Variants in BAZ1A observed in about 807,000 individuals in gnomAD.
BAZ1A encodes the protein bromodomain adjacent to zinc finger domain protein 1A.
Under a neutral mutation model 185.2 loss-of-function variants are expected in BAZ1A, and 50 were observed. That is an observed-to-expected ratio of 0.27 (90% CI 0.22 to 0.34). BAZ1A has a LOEUF of 0.34. Ranked by LOEUF, BAZ1A falls within the 10% of genes least tolerant of loss-of-function variation. The pLI, the probability that BAZ1A is intolerant of heterozygous loss-of-function variation, is 1.00. For missense variants in BAZ1A, 1,356 were observed against 1,839.9 expected, an observed-to-expected ratio of 0.74 and a Z score of 4.81; for synonymous variants, 571 against 615.6, an observed-to-expected ratio of 0.93 and a Z score of 1.07.
intron 20 of BAZ1A, among the ~76,000 whole-genome samples, chr14:34,772,277 A>C (rs988605149): frequency 6.6e-6 from 1 of 152,012 alleles, no homozygotes; most frequent in African/African-American, 2.4e-5. Context: ...TTAAAGTGCA[A>C]ACTCATTCAC....
chr14:34,843,969 G>A (rs1167418279), intron 3 of BAZ1A, among the ~76,000 whole-genome samples: 1 of 151,974 alleles, frequency 6.6e-6, no homozygotes, highest in East Asian at 1.9e-4. Flanking sequence ...ACTTTGGGAG[G>A]CCGAGGCGGG....
intron 9 of BAZ1A, among the ~76,000 whole-genome samples, chr14:34,796,034 T>TCA (rs1194160456): frequency 6.6e-6 from 1 of 152,162 alleles, no homozygotes; most frequent in East Asian, 1.9e-4. Context: ...GTGCAGTGGC[T>TCA]CACACATGTA....
In BAZ1A at chr14:34,854,075, A is replaced by G. The variant is rs117479655; in HGVS notation, c.392+7969T>C. On this transcript the variant is annotated intron_variant, in intron 3 of 26. Coordinates refer to ENST00000360310, the MANE Select transcript of BAZ1A (RefSeq NM_013448.3). Reference sequence around the variant, plus strand: ...TATATCTTAAAGTTATTTTAACTGAAATTTAAGTGAAAGGGATAGAGAGAG... The same window carrying G: ...TATATCTTAAAGTTATTTTAACTGAGATTTAAGTGAAAGGGATAGAGAGAG... 9.8e-3 allele frequency among the ~76,000 whole-genome samples: 1,407 copies of G among 143,034 alleles called. 11 individuals carry two copies. The highest frequency in any genetic ancestry group is 0.016 in the Non-Finnish European group (1,049 of 64,592). 93.8% of individuals were successfully genotyped at this position (143,034 alleles called of 152,430 possible). A position where few individuals can be genotyped will look rare whatever the true frequency, so the allele number is the denominator to read the frequency against.
intron 4 of BAZ1A, among the ~76,000 whole-genome samples, chr14:34,820,084 C>T (rs1046212725): frequency 7.1e-6 from 1 of 140,714 alleles, no homozygotes. Context: ...GGTGAGGTAT[C>T]TGTTCAGATC....
Position 34,872,865 on chromosome 14 carries a change from GT to G in BAZ1A, c.113+1626del, listed in dbSNP as rs34310554. 6.8e-5 allele frequency among the ~76,000 whole-genome samples: 9 copies of G among 131,990 alleles called. No homozygotes were observed. The South Asian group carries it at 1.4e-3, about 21-fold the overall frequency. The allele number at this position is 131,990 out of a possible 152,430, so 86.6% of individuals were successfully genotyped here. On this transcript the variant is annotated intron_variant, in intron 2 of 26. Coordinates refer to ENST00000360310, the MANE Select transcript of BAZ1A (RefSeq NM_013448.3). ...ATTTACTATTTTGTTGATACTCTTA[GT>G]TTTTTTTTTATCGTAATTGTTAGCA...
intron 3 of BAZ1A, among the ~76,000 whole-genome samples, chr14:34,830,216 G>A (rs904601601): frequency 6.6e-6 from 1 of 151,564 alleles, no homozygotes. Context: ...CTACTCATAA[G>A]AGCCAAAAAT....
chr14:34,795,875 C>T (rs928009258), intron 9 of BAZ1A, 110 bp from the exon 10 acceptor site: 1 of 730,472 alleles, frequency 1.4e-6, no homozygotes, highest in Non-Finnish European at 2.2e-6. Flanking sequence ...TACCCCATAC[C>T]TACTGAAGCA....
rs1225939081 is a variant in BAZ1A, at chr14:34,784,367, C to CCAAAAAAAAAAAAAAAAAA, written c.1832-441_1832-440insTTTTTTTTTTTTTTTTTTG. Among the ~76,000 whole-genome samples the CCAAAAAAAAAAAAAAAAAA allele has an allele frequency of 7.3e-4, 56 of 77,176 alleles. 8 individuals are homozygous for CCAAAAAAAAAAAAAAAAAA. The highest frequency in any genetic ancestry group is 1.0e-3 in the African/African-American group (17 of 16,420). The allele number at this position is 77,176 out of a possible 152,430, so 50.6% of individuals were successfully genotyped here. On this transcript the variant is annotated intron_variant, in intron 14 of 26. Transcript: ENST00000360310. ...TGGGCAACTGAGTGAGACTCTGTCTCAAAAAAAAAAAAAAAAAAAAAAAAA... is the reference window on the plus strand; with the variant it reads ...TGGGCAACTGAGTGAGACTCTGTCTCCAAAAAAAAAAAAAAAAAAAAAAAAAAAAAAAAAAAAAAAAAAA...
intron 21 of BAZ1A, 54 bp downstream of exon 21, chr14:34,771,457 A>G (rs1424433180): frequency 9.2e-6 from 14 of 1,520,152 alleles, no homozygotes; most frequent in African/African-American, 1.4e-5. Flanking sequence ...TTAAAGGCCA[A>G]CTCAAAATTA....
chr14:34,833,481 T>A (rs985927948), intron 3 of BAZ1A, among the ~76,000 whole-genome samples: 12 of 151,972 alleles, frequency 7.9e-5, no homozygotes, highest in Admixed American at 7.9e-4. Context: ...TGAGCAGAGA[T>A]CACACCACTG....
At chr14:34,866,526 A>G (rs1460935922) in intron 2 of BAZ1A, among the ~76,000 whole-genome samples, 2 of 143,724 alleles carry the variant, frequency 1.4e-5, no homozygotes, top group South Asian at 2.3e-4. Context: ...ACTTTTTCCT[A>G]TAGAAACAAA....
intron 3 of BAZ1A, among the ~76,000 whole-genome samples, chr14:34,835,272 G>A (rs1236197195): frequency 6.6e-6 from 1 of 151,914 alleles, no homozygotes; most frequent in African/African-American, 2.4e-5. Context: ...ATGTTGGCCA[G>A]GCTGGCCTCA....
In BAZ1A at chr14:34,875,290, T is replaced by C. The variant is rs1270280300; in HGVS notation, c.-211A>G. 1 of 455,744 alleles carries C rather than the reference T, an allele frequency of 2.2e-6. No individual in the cohort carries two copies. Among genetic ancestry groups the C allele is most frequent in the South Asian group, 1.5e-5 (1 of 64,554 alleles). The allele number at this position is 455,744 out of a possible 1,614,324, so 28.2% of individuals were successfully genotyped here. Reference sequence around the variant, plus strand: ...CCACTGCCCGACTCCGCGCGGGGAATTGCGTCCCACCGCCACTTCCCCGCC... The same window carrying C: ...CCACTGCCCGACTCCGCGCGGGGAACTGCGTCCCACCGCCACTTCCCCGCC... On this transcript the variant is annotated 5_prime_UTR_variant, in exon 1 of 27. Transcript: ENST00000360310.
At chr14:34,873,108 C>T (rs547558243) in intron 2 of BAZ1A, among the ~76,000 whole-genome samples, 125 of 152,076 alleles carry the variant, frequency 8.2e-4, no homozygotes, top group African/African-American at 2.7e-3. Context: ...AACGTGTAAC[C>T]CTTTCTGTGG....
chr14:34,858,420 TG>T (rs1390546272), intron 3 of BAZ1A, among the ~76,000 whole-genome samples: 3 of 152,168 alleles, frequency 2.0e-5, no homozygotes, highest in African/African-American at 7.2e-5. Flanking sequence ...AATTGACTAT[TG>T]ACTACTCCCT....
chr14:34,779,132 G>C (rs1049617854), intron 17 of BAZ1A, among the ~76,000 whole-genome samples: 2 of 152,176 alleles, frequency 1.3e-5, no homozygotes, highest in African/African-American at 4.8e-5. Context: ...TTACAGGCAT[G>C]AGCCACTGCA....
intron 6 of BAZ1A, among the ~76,000 whole-genome samples, chr14:34,806,535 A>C (rs1210953182): frequency 6.6e-6 from 1 of 152,064 alleles, no homozygotes; most frequent in African/African-American, 2.4e-5. Flanking sequence ...ATGAGGCTCC[A>C]TTCTATTGCT....
intron 4 of BAZ1A, among the ~76,000 whole-genome samples, chr14:34,820,458 G>A (rs2042073045): frequency 6.6e-6 from 1 of 152,092 alleles, no homozygotes; most frequent in Admixed American, 6.5e-5. Flanking sequence ...TGAGATTTAA[G>A]AGTTATTTGT....
chr14:34,849,266 C>T (rs1449835498), intron 3 of BAZ1A, among the ~76,000 whole-genome samples: 2 of 152,120 alleles, frequency 1.3e-5, no homozygotes, highest in African/African-American at 4.8e-5. Flanking sequence ...GACTAGGTGA[C>T]AGAGTGAGAC....
Sources: allele counts gnomAD v4.1 joint callset (sites outside exome capture counted in the v4.1 genomes callset), GRCh38; gene constraint gnomAD v4.1.1; transcripts MANE v1.5; gene names NCBI Gene and HGNC (gene_info 2026-07-23, HGNC 2026-07-21).